HDAC9: variants seen among roughly 807,000 people sequenced by gnomAD.
The protein encoded by HDAC9 is MEF-2 interacting transcription repressor (MITR) protein.
Under a neutral mutation model 139.4 loss-of-function variants are expected in HDAC9, and 41 were observed. That is an observed-to-expected ratio of 0.29 (90% CI 0.23 to 0.38). The LOEUF is 0.38. Ranked by LOEUF, HDAC9 falls within the 10% of genes least tolerant of loss-of-function variation. The pLI is 1.00. For missense variants in HDAC9, 1,147 were observed against 1,297.0 expected, an observed-to-expected ratio of 0.88 and a Z score of 1.78; for synonymous variants, 517 against 476.2, an observed-to-expected ratio of 1.09 and a Z score of -1.12.
chr7:18,575,795 CAT>C (rs1317816427), intron 2 of HDAC9, among the ~76,000 whole-genome samples: 1 of 152,214 alleles, frequency 6.6e-6, no homozygotes, highest in Non-Finnish European at 1.5e-5. Flanking sequence ...CAGATGTGCA[CAT>C]GTGTTACTAA....
intron 1 of HDAC9, among the ~76,000 whole-genome samples, chr7:18,487,834 T>A (rs1796084865): frequency 6.6e-6 from 1 of 152,070 alleles, no homozygotes; most frequent in Admixed American, 6.6e-5. Flanking sequence ...TCAACTTGAC[T>A]TTTGTAGCAA....
chr7:18,520,734 GAGAGTAAGTACAACT>G, intron 2 of HDAC9, among the ~76,000 whole-genome samples: 1 of 152,184 alleles, frequency 6.6e-6, no homozygotes, highest in East Asian at 1.9e-4. Context: ...CTGACACCCA[GAGAGTAAGTACAACT>G]AGCCTAGAGC....
At chr7:18,754,644 C>T (rs1390314992) in intron 14 of HDAC9, among the ~76,000 whole-genome samples, 3 of 152,056 alleles carry the variant, frequency 2.0e-5, no homozygotes, top group East Asian at 1.9e-4. Context: ...ATGTTTAACT[C>T]GTTTATTCAA....
At chr7:18,190,684 A>G (rs140403694) in intron 2 of HDAC9, among the ~76,000 whole-genome samples, 1 of 152,330 alleles carries the variant, frequency 6.6e-6, no homozygotes, top group Non-Finnish European at 1.5e-5. Context: ...TAAATAATAT[A>G]TTGAAATAAA....
chr7:18,630,013 G>C (rs979758642), intron 7 of HDAC9, among the ~76,000 whole-genome samples: 1 of 152,040 alleles, frequency 6.6e-6, no homozygotes, highest in Non-Finnish European at 1.5e-5. Context: ...TTTTTATGAA[G>C]GGGAAGAAAC....
At chr7:18,829,426 G>T (rs1486219633) in intron 18 of HDAC9, 35 bp from the exon 19 acceptor site, 2 of 1,450,672 alleles carry the variant, frequency 1.4e-6, no homozygotes, top group Non-Finnish European at 9.6e-7. Context: ...TGGATGATTT[G>T]CTTTCTTATT....
chr7:18,685,555 A>G (rs894114920), intron 12 of HDAC9, among the ~76,000 whole-genome samples: 1 of 152,038 alleles, frequency 6.6e-6, no homozygotes, highest in Non-Finnish European at 1.5e-5. Context: ...ATATTGAATG[A>G]CCATCTTAGT....
chr7:18,633,328 G>C (rs1315094974), intron 7 of HDAC9, among the ~76,000 whole-genome samples: 4 of 152,054 alleles, frequency 2.6e-5, no homozygotes, highest in African/African-American at 9.7e-5. Flanking sequence ...TAGTGGGTAA[G>C]CTATATTGCC....
At chr7:18,616,741 C>A (rs990338825) in intron 6 of HDAC9, among the ~76,000 whole-genome samples, 1 of 152,084 alleles carries the variant, frequency 6.6e-6, no homozygotes, top group African/African-American at 2.4e-5. Flanking sequence ...GAGCAGGAAG[C>A]AAAGTGGTAT....
At chr7:18,889,579 T>TA (rs985492826) in intron 22 of HDAC9, among the ~76,000 whole-genome samples, 7 of 151,926 alleles carry the variant, frequency 4.6e-5, no homozygotes, top group Non-Finnish European at 8.8e-5. Flanking sequence ...CTTGTTGCTA[T>TA]AAAAAAAAGA....
At chr7:18,453,119 A>C (rs1214971043) in intron 1 of HDAC9, among the ~76,000 whole-genome samples, 2 of 152,140 alleles carry the variant, frequency 1.3e-5, no homozygotes, top group Non-Finnish European at 2.9e-5. Context: ...TTCCTTAGGA[A>C]CTTCTCTAAT....
intron 22 of HDAC9, among the ~76,000 whole-genome samples, chr7:18,891,540 TA>T (rs1423088310): frequency 6.6e-6 from 1 of 152,156 alleles, no homozygotes; most frequent in Non-Finnish European, 1.5e-5. Context: ...AATCATTGAG[TA>T]CCAGGCTTAA....
chr7:18,556,344 C>T (rs1263506171), intron 2 of HDAC9, among the ~76,000 whole-genome samples: 1 of 151,996 alleles, frequency 6.6e-6, no homozygotes, highest in East Asian at 1.9e-4. Context: ...ATCATTTATT[C>T]ATTCCTTCAT....
At chr7:18,496,086 G>T in intron 1 of HDAC9, 63 bp downstream of exon 1, 1 of 1,422,276 alleles carries the variant, frequency 7.0e-7, no homozygotes, top group Non-Finnish European at 9.3e-7. Flanking sequence ...GAGCAGAAAG[G>T]AAATCATTGT....
chr7:18,629,533 A>C (rs1239830076), intron 7 of HDAC9, 52 bp downstream of exon 7: 1 of 1,536,248 alleles, frequency 6.5e-7, no homozygotes, highest in Non-Finnish European at 8.8e-7. Flanking sequence ...AATGAAAAAA[A>C]AATAGTTTAG....
chr7:18,373,341 T>C (rs891389735), intron 1 of HDAC9, among the ~76,000 whole-genome samples: 11 of 152,140 alleles, frequency 7.2e-5, no homozygotes, highest in African/African-American at 2.4e-4. Flanking sequence ...AACATTTTTA[T>C]TGAGGACCTC....
Position 18,528,253 on chromosome 7 carries a change from ATT to A in HDAC9, c.22+31941_22+31942del, listed in dbSNP as rs10716963. Among the ~76,000 whole-genome samples the A allele has an allele frequency of 8.0e-3, 1,183 of 147,094 alleles. 17 individuals are homozygous for A. Among genetic ancestry groups the A allele is most frequent in the African/African-American group, 0.027 (1,094 of 40,584 alleles). On this transcript the variant is annotated intron_variant, in intron 2 of 25. Coordinates refer to ENST00000686413, the MANE Select transcript of HDAC9 (RefSeq NM_178425.4). ...CTTCTGTAGAAGTTTTCCATGAAGT[ATT>A]TTTTTTTTTTTAAATTAGGTCGAAT...
At chr7:18,862,268 A>G (rs929467693) in intron 21 of HDAC9, among the ~76,000 whole-genome samples, 1 of 152,186 alleles carries the variant, frequency 6.6e-6, no homozygotes, top group African/African-American at 2.4e-5. Context: ...TGCAAGAGAA[A>G]GAGAATGTGA....
chr7:18,907,584 G>C (rs1023395085), intron 22 of HDAC9, among the ~76,000 whole-genome samples: 2 of 152,216 alleles, frequency 1.3e-5, no homozygotes, highest in African/African-American at 4.8e-5. Context: ...AAGGACCACA[G>C]GCTTTCTGGG....
Sources: allele counts gnomAD v4.1 joint callset (sites outside exome capture counted in the v4.1 genomes callset), GRCh38; gene constraint gnomAD v4.1.1; transcripts MANE v1.5; gene names NCBI Gene and HGNC (gene_info 2026-07-23, HGNC 2026-07-21).